Variants in RORC observed in about 807,000 individuals in gnomAD.
RORC encodes the protein RAR related orphan receptor C.
Under a neutral mutation model 64.5 loss-of-function variants are expected in RORC, and 13 were observed. The observed-to-expected ratio is 0.20, with a 90% CI of 0.13 to 0.32. RORC has a LOEUF of 0.32. Among genes scored for constraint, RORC ranks in the 10% least tolerant of loss-of-function variants. RORC has a pLI of 1.00. For synonymous variants in RORC, 277 were observed against 259.3 expected (o/e 1.07, Z -0.65); for missense variants, 468 against 669.5 (o/e 0.70, Z 3.32).
rs757895511 is a variant in RORC at position 151,813,289 on chromosome 1, G to A, written c.1124C>T (p.Thr375Met). ...ACCGTATTTGCCTTCAAAAAAGACC[G>A]TGCGGTTGTCAGCATTGTAGGCCCG... ...MCRAYNADNRTVFFEGKYGGM... is the reference protein window; with the variant it reads ...MCRAYNADNRMVFFEGKYGGM... Residue 375 changes from threonine to methionine, a missense_variant, in exon 8 of 11, where the codon ACG (threonine) becomes ATG (methionine). This residue lies in a region of RORC where 100 missense variants were observed against 190.8 expected (regional missense o/e 0.52). Transcript: ENST00000318247. 3.9e-5 allele frequency: 63 copies of A among 1,614,016 alleles called. No homozygotes were observed. Among genetic ancestry groups the A allele is most frequent in the Middle Eastern group, 1.6e-4 (1 of 6,084 alleles).
chr1:151,813,244 G>C lies in RORC; in HGVS notation c.1169C>G (p.Ala390Gly), dbSNP rs770178028. 6.2e-7 allele frequency: 1 copy of C among 1,613,442 alleles called. No individual in the cohort carries two copies. Among genetic ancestry groups the C allele is most frequent in the African/African-American group, 1.3e-5 (1 of 74,888 alleles). The change falls in exon 8 of 11, where the codon GCC (alanine) becomes GGC (glycine). Residue 390 changes from alanine (A) to glycine (G), a missense_variant. Coordinates refer to ENST00000318247, the MANE Select transcript of RORC (RefSeq NM_005060.4). ...GKYGGMELFR[A>G]LGCSELISSI... ...CATTTCTCCCTGCCCCTCACCCAAG[G>C]CTCGGAACAGCTCCATGCCACCGTA...
At position 151,814,803 on chromosome 1, in the gene RORC, C is replaced by T; in HGVS notation, c.812-108G>A. 3.2e-6 allele frequency: 5 copies of T among 1,543,680 alleles called. No individual in the cohort carries two copies. The South Asian group carries it at 6.2e-5, about 19-fold the overall frequency. The stretch of plus-strand genomic sequence containing the variant: ...ATCCTGCTCCGCCTCCTCCCTCCGC[C>T]CCTCGTCTGGACCCCTCAATTCCCT... On this transcript the variant is annotated intron_variant, in intron 5 of 10. Coordinates refer to ENST00000318247, the MANE Select transcript of RORC (RefSeq NM_005060.4).
intron 4 of RORC, among the ~76,000 whole-genome samples, chr1:151,816,355 T>C (rs911116513): frequency 1.3e-5 from 2 of 152,172 alleles, no homozygotes; most frequent in African/African-American, 2.4e-5. Flanking sequence ...CAGAGCTGCA[T>C]GGGAGCTGGG....
At chr1:151,826,351 G>T (rs1652196945) in intron 2 of RORC, among the ~76,000 whole-genome samples, 2 of 152,200 alleles carry the variant, frequency 1.3e-5, no homozygotes, top group Admixed American at 1.3e-4. Flanking sequence ...GCTCACACGA[G>T]CCTGAAGCCA....
intron 2 of RORC, among the ~76,000 whole-genome samples, chr1:151,828,332 T>A (rs1652276191): frequency 6.6e-6 from 1 of 152,146 alleles, no homozygotes; most frequent in Non-Finnish European, 1.5e-5. Flanking sequence ...GGACCCATGC[T>A]CACAGAAGGG....
chr1:151,813,835 G>A lies in RORC; in HGVS notation c.934-215C>T, dbSNP rs1223928309. ...CCTACCGGCTGCTGACACCGAGTTA[G>A]CTGTTGTGAGGGAATCCAAAAAGTA... On this transcript the variant is annotated intron_variant, in intron 6 of 10. Coordinates refer to ENST00000318247, the MANE Select transcript of RORC (RefSeq NM_005060.4). 1.1e-5 allele frequency: 6 copies of A among 564,580 alleles called. No homozygotes were observed. In the East Asian group the frequency reaches 1.8e-4, roughly 17 times the overall value. 35.0% of individuals were successfully genotyped at this position (564,580 alleles called of 1,614,324 possible).
intron 2 of RORC, among the ~76,000 whole-genome samples, chr1:151,824,318 A>G (rs1324843516): frequency 6.6e-6 from 1 of 152,122 alleles, no homozygotes; most frequent in Non-Finnish European, 1.5e-5. Context: ...GGGGGTGGGA[A>G]TAATGGAGAG....
At chr1:151,831,136 C>A in intron 1 of RORC, 1 of 1,274,566 alleles carries the variant, frequency 7.8e-7, no homozygotes, top group Non-Finnish European at 1.0e-6. Flanking sequence ...ACATTCTCTG[C>A]AGAGATGAAA....
rs188747146 is a variant in RORC at position 151,809,175 on chromosome 1, G to T, written c.1396-1542C>A. Among the ~76,000 whole-genome samples the T allele has an allele frequency of 7.7e-3, 1,169 of 152,284 alleles. 21 individuals carry two copies. The highest frequency in any genetic ancestry group is 0.027 in the African/African-American group (1,107 of 41,542). On this transcript the variant is annotated intron_variant, in intron 10 of 10. Coordinates refer to ENST00000318247, the MANE Select transcript of RORC (RefSeq NM_005060.4). ...ACACTTTGGGAGGCCAAGGTGGGCA[G>T]ATCACCTGAGGTCAGGAGTTCGAGA...
chr1:151,807,428 G>A lies in RORC; in HGVS notation c.*44C>T, dbSNP rs369118533. On this transcript the variant is annotated 3_prime_UTR_variant, in exon 11 of 11. Coordinates refer to ENST00000318247, the MANE Select transcript of RORC (RefSeq NM_005060.4). This position sits in a 1 kb window ranked among gnomAD's most constrained non-coding sequence, Gnocchi z 5.0. ...AGGGTGGAACGGGGTCCAGGGAGGT[G>A]GGCCAGCAGGCCATAGGGAGAGGCA... The A allele has an allele frequency of 1.3e-6, 2 of 1,591,252 alleles. No homozygotes were observed. Among genetic ancestry groups the A allele is most frequent in the African/African-American group, 2.7e-5 (2 of 74,466 alleles).
chr1:151,807,232 A>C lies in RORC; in HGVS notation c.*240T>G. ...AAGCTGGGTGTGAAGGAATATGGGA[A>C]ATGAGACAGGTCAAAGCTGAGGCTG... On this transcript the variant is annotated 3_prime_UTR_variant, in exon 11 of 11. Coordinates refer to ENST00000318247, the MANE Select transcript of RORC (RefSeq NM_005060.4). The surrounding 1 kb of genome is among the most constrained non-coding windows in gnomAD (Gnocchi z 5.0). 2.2e-6 allele frequency: 1 copy of C among 445,260 alleles called. No homozygotes were observed. The highest frequency in any genetic ancestry group is 4.0e-6 in the Non-Finnish European group (1 of 248,660). 27.6% of individuals were successfully genotyped at this position (445,260 alleles called of 1,614,324 possible). A position where few individuals can be genotyped will look rare whatever the true frequency, so the allele number is the denominator to read the frequency against.
Position 151,806,130 on chromosome 1 carries a change from GAA to G in RORC, c.*1340_*1341del, listed in dbSNP as rs779458451. Reference sequence around the variant, plus strand: ...AGTTGGGGTTTATGTTTACTCAGATGAACCCGTCCCCTTAGAGGACACAATCC... The same window carrying G: ...AGTTGGGGTTTATGTTTACTCAGATGCCCGTCCCCTTAGAGGACACAATCC... On this transcript the variant is annotated 3_prime_UTR_variant, in exon 11 of 11. Transcript: ENST00000318247. The G allele has an allele frequency of 1.3e-5, 2 of 152,568 alleles. No individual in the cohort carries two copies. The highest frequency in any genetic ancestry group is 2.4e-5 in the African/African-American group (1 of 41,426). 9.5% of individuals were successfully genotyped at this position (152,568 alleles called of 1,614,324 possible).
chr1:151,820,901 G>C lies in RORC; in HGVS notation c.71-3621C>G, dbSNP rs899273825. Reference sequence around the variant, plus strand: ...TTTTTGCCAGGCTGCTCCTTCCAGGGAGTGGGGCTGGGGTTGGCGATCTTT... The same window carrying C: ...TTTTTGCCAGGCTGCTCCTTCCAGGCAGTGGGGCTGGGGTTGGCGATCTTT... On this transcript the variant is annotated intron_variant, in intron 2 of 10. Coordinates refer to ENST00000318247, the MANE Select transcript of RORC (RefSeq NM_005060.4). 2.0e-5 allele frequency among the ~76,000 whole-genome samples: 3 copies of C among 152,178 alleles called. No individual in the cohort carries two copies. The South Asian group carries it at 6.2e-4, about 32-fold the overall frequency.
intron 2 of RORC, among the ~76,000 whole-genome samples, chr1:151,818,935 C>T (rs1651878406): frequency 6.6e-6 from 1 of 152,176 alleles, no homozygotes; most frequent in African/African-American, 2.4e-5. Flanking sequence ...TCAGGCCAGA[C>T]TTGAGGTGAG....
intron 9 of RORC, 169 bp downstream of exon 9, chr1:151,812,778 G>C: frequency 5.5e-6 from 3 of 547,568 alleles, no homozygotes; most frequent in Non-Finnish European, 9.8e-6. Context: ...AGAGTCCTCT[G>C]AATCTTTATT....
intron 6 of RORC, 76 bp downstream of exon 6, chr1:151,814,498 G>C: frequency 6.7e-7 from 1 of 1,493,348 alleles, no homozygotes; most frequent in African/African-American, 1.4e-5. Context: ...GGACCCAGTC[G>C]TGCGCAGGTA....
In RORC at chr1:151,820,241, G is replaced by A. The variant is rs1651934441; in HGVS notation, c.71-2961C>T. On this transcript the variant is annotated intron_variant, in intron 2 of 10. Transcript: ENST00000318247. ...AGGGTGTGTGTTACTTGTAGAGAAG[G>A]GGTGGGGGAGAACGGGAAGGGGGCT... is the stretch of plus-strand genomic sequence containing the variant. Among the ~76,000 whole-genome samples the A allele has an allele frequency of 2.0e-5, 3 of 152,246 alleles. No homozygotes were observed. The South Asian group carries it at 6.2e-4, about 32-fold the overall frequency.
intron 10 of RORC, among the ~76,000 whole-genome samples, chr1:151,809,522 A>C (rs1050069361): frequency 2.0e-5 from 3 of 152,216 alleles, no homozygotes; most frequent in African/African-American, 7.2e-5. Flanking sequence ...GCTACAGGGC[A>C]GATGAGGGTG....
chr1:151,809,827 G>C (rs1417753818), intron 10 of RORC, among the ~76,000 whole-genome samples: 1 of 152,112 alleles, frequency 6.6e-6, no homozygotes, highest in East Asian at 1.9e-4. Context: ...TACATAAATG[G>C]TTCCTTTATA....
Sources: allele counts gnomAD v4.1 joint callset (sites outside exome capture counted in the v4.1 genomes callset), GRCh38; gene constraint gnomAD v4.1.1; regional missense constraint gnomAD v4.1.1; non-coding constraint Gnocchi (gnomAD v3.1); transcripts MANE v1.5; gene names NCBI Gene and HGNC (gene_info 2026-07-23, HGNC 2026-07-21).